Variants in FOCAD observed in about 807,000 individuals in gnomAD.
FOCAD encodes KIAA1797.
A neutral mutation model predicts 225.6 loss-of-function variants in FOCAD; 198 were observed. The ratio of observed to expected loss-of-function variants is 0.88; its 90% CI spans 0.78 to 0.99. The LOEUF (loss-of-function observed/expected upper bound fraction) is 0.99. FOCAD is among the 50% of genes least tolerant of loss of function. The pLI, the probability that FOCAD is intolerant of heterozygous loss-of-function variation, is 0.00. For synonymous variants in FOCAD, 897 were observed against 755.0 expected (o/e 1.19, Z -3.08); for missense variants, 2,713 against 2,123.6 (o/e 1.28, Z -5.46).
intron 15 of FOCAD, among the ~76,000 whole-genome samples, chr9:20,825,243 C>G (rs987569290): frequency 2.7e-5 from 4 of 149,782 alleles, no homozygotes; most frequent in African/African-American, 9.8e-5. Context: ...ATAAAGTATA[C>G]TTGGTATTCA....
chr9:20,954,099 T>G (rs1181016029), intron 35 of FOCAD, among the ~76,000 whole-genome samples: 2 of 152,234 alleles, frequency 1.3e-5, no homozygotes, highest in Non-Finnish European at 2.9e-5. Flanking sequence ...TTTGTGCTAT[T>G]ATTCTAGGGT....
intron 23 of FOCAD, among the ~76,000 whole-genome samples, chr9:20,914,135 T>C (rs561064478): frequency 6.6e-6 from 1 of 151,712 alleles, no homozygotes; most frequent in African/African-American, 2.4e-5. Context: ...AAACCTGCAG[T>C]AACTAATAAG....
In FOCAD at chr9:20,749,194, G is replaced by A. The variant is rs111651869; in HGVS notation, c.392+8854G>A. 2.4e-3 allele frequency among the ~76,000 whole-genome samples: 368 copies of A among 152,158 alleles called. 2 individuals carry two copies. Among genetic ancestry groups the A allele is most frequent in the Middle Eastern group, 0.017 (5 of 294 alleles). ...CCCTGGCTCTCTAAAAGGGATTCTG[G>A]GAAAGGTTCATTGTTGGGGGAGAAT... On this transcript the variant is annotated intron_variant, in intron 5 of 43. Transcript: ENST00000338382.
Position 20,913,700 on chromosome 9 carries a change from C to G in FOCAD, c.2807+746C>G, listed in dbSNP as rs1015906021. Among the ~76,000 whole-genome samples the G allele has an allele frequency of 3.9e-4, 59 of 152,190 alleles. 1 individual carries two copies. Among genetic ancestry groups the G allele is most frequent in the Middle Eastern group, 3.4e-3 (1 of 294 alleles). ...GTGTATGTATTTGATTAATTGTATT[C>G]TAAGTCATATTTTCTAGATTTATCA... On this transcript the variant is annotated intron_variant, in intron 23 of 43. Coordinates refer to ENST00000338382, the MANE Select transcript of FOCAD (RefSeq NM_001375567.1).
intron 30 of FOCAD, 67 bp downstream of exon 30, chr9:20,946,887 C>G (rs1342404961): frequency 3.1e-6 from 5 of 1,588,658 alleles, no homozygotes; most frequent in Non-Finnish European, 3.4e-6. Flanking sequence ...TTGCTTTTGA[C>G]TTACTCTGAA....
At chr9:20,744,096 T>C (rs1827846640) in intron 5 of FOCAD, among the ~76,000 whole-genome samples, 1 of 152,186 alleles carries the variant, frequency 6.6e-6, no homozygotes, top group Admixed American at 6.5e-5. Flanking sequence ...CATGGGTTTG[T>C]TCAATGAAAA....
chr9:20,883,634 A>G (rs1830863095), intron 20 of FOCAD, among the ~76,000 whole-genome samples: 1 of 152,346 alleles, frequency 6.6e-6, no homozygotes, highest in Non-Finnish European at 1.5e-5. Context: ...ATTGAACAGT[A>G]TACTTATAAG....
Position 20,949,035 on chromosome 9 carries a change from C to T in FOCAD, c.3876+107C>T, listed in dbSNP as rs1044482985. 2.8e-5 allele frequency: 28 copies of T among 1,009,648 alleles called. No individual in the cohort carries two copies. In the African/African-American group the frequency reaches 3.2e-4, roughly 11 times the overall value. The allele number at this position is 1,009,648 out of a possible 1,614,324, so 62.5% of individuals were successfully genotyped here. A position where few individuals can be genotyped will look rare whatever the true frequency, so the allele number is the denominator to read the frequency against. ...TGCTAAGAACAGAAGGATTTATGCT[C>T]ATGGTAATAGTTACACCAGACTTTT... On this transcript the variant is annotated intron_variant, in intron 32 of 43. Transcript: ENST00000338382.
intron 6 of FOCAD, among the ~76,000 whole-genome samples, chr9:20,761,729 A>AT (rs1554674848): frequency 3.3e-5 from 5 of 151,826 alleles, no homozygotes; most frequent in Non-Finnish European, 4.4e-5. Flanking sequence ...CCAAGCCTCC[A>AT]TTTTTTTACT....
intron 22 of FOCAD, among the ~76,000 whole-genome samples, chr9:20,907,492 C>T (rs1262322892): frequency 1.3e-5 from 2 of 152,056 alleles, no homozygotes; most frequent in African/African-American, 4.8e-5. Context: ...ATCCTGCTGC[C>T]TTCTGGACAT....
intron 5 of FOCAD, among the ~76,000 whole-genome samples, chr9:20,753,401 G>T (rs985236814): frequency 3.3e-5 from 5 of 151,882 alleles, no homozygotes; most frequent in Non-Finnish European, 7.4e-5. Context: ...GGCCTTTTCT[G>T]CATCTATTGA....
intron 1 of FOCAD, among the ~76,000 whole-genome samples, 154 bp from the exon 2 acceptor site, chr9:20,715,168 A>G (rs1825230320): frequency 6.6e-6 from 1 of 152,190 alleles, no homozygotes; most frequent in East Asian, 1.9e-4. Flanking sequence ...ATGACAATGA[A>G]GTTTTGCCAA....
chr9:20,666,519 G>A (rs192180918), intron 2 of FOCAD, among the ~76,000 whole-genome samples: 4 of 152,162 alleles, frequency 2.6e-5, no homozygotes, highest in Non-Finnish European at 4.4e-5. Context: ...GCAGTGAGTC[G>A]AAATCACTCC....
intron 15 of FOCAD, among the ~76,000 whole-genome samples, chr9:20,836,708 C>G (rs1191790468): frequency 6.6e-6 from 1 of 151,888 alleles, no homozygotes; most frequent in East Asian, 1.9e-4. Flanking sequence ...TGTCACCCTG[C>G]AAGTAGATTT....
At chr9:20,879,302 G>A (rs10964747) in intron 19 of FOCAD, among the ~76,000 whole-genome samples, 27,740 of 152,032 alleles carry the variant, frequency 0.18, 3,124 homozygotes, top group Non-Finnish European at 0.25. Flanking sequence ...CCAGGATTAG[G>A]CTTTCAGGAT....
At chr9:20,789,033 A>G (rs1274286127) in intron 10 of FOCAD, among the ~76,000 whole-genome samples, 1 of 151,760 alleles carries the variant, frequency 6.6e-6, no homozygotes, top group African/African-American at 2.4e-5. Context: ...TTTTTTAGTG[A>G]TAATGGCTTT....
chr9:20,988,580 G>A (rs1355621078), intron 41 of FOCAD, 151 bp downstream of exon 41: 2 of 351,628 alleles, frequency 5.7e-6, no homozygotes. Flanking sequence ...AGAGGAGCAC[G>A]TTGCTGTTTG....
chr9:20,916,651 C>T (rs564127325), intron 23 of FOCAD, among the ~76,000 whole-genome samples: 2 of 152,178 alleles, frequency 1.3e-5, no homozygotes, highest in African/African-American at 4.8e-5. Flanking sequence ...ATCTGTACAT[C>T]CCCCCTCAGT....
chr9:20,872,716 G>C (rs1255295782), intron 18 of FOCAD: 1 of 151,712 alleles, frequency 6.6e-6, no homozygotes, highest in Non-Finnish European at 1.5e-5. Context: ...AGTGGTTTTA[G>C]TATATTGAAA....
Sources: allele counts gnomAD v4.1 joint callset (sites outside exome capture counted in the v4.1 genomes callset), GRCh38; gene constraint gnomAD v4.1.1; transcripts MANE v1.5; gene names NCBI Gene and HGNC (gene_info 2026-07-23, HGNC 2026-07-21).